Variants in CORIN observed in about 807,000 individuals in gnomAD.
CORIN encodes the protein corin, serine peptidase.
CORIN carries 117 observed loss-of-function variants against 125.3 expected under a neutral mutation model. The ratio of observed to expected loss-of-function variants is 0.93; its 90% CI spans 0.80 to 1.09. The LOEUF is 1.09. Among genes scored for constraint, CORIN ranks in the 50% least tolerant of loss-of-function variants. The pLI is 0.00. For synonymous variants in CORIN, 450 were observed against 466.4 expected, an observed-to-expected ratio of 0.96 and a Z score of 0.45; for missense variants, 1,253 against 1,306.7, an observed-to-expected ratio of 0.96 and a Z score of 0.63.
At chr4:47,809,320 T>A (rs1731948557) in intron 1 of CORIN, among the ~76,000 whole-genome samples, 1 of 151,754 alleles carries the variant, frequency 6.6e-6, no homozygotes, top group African/African-American at 2.4e-5. Flanking sequence ...TCTAAGTAGA[T>A]ATCAAGTACT....
At chr4:47,630,750 GAA>G (rs1479545691) in intron 16 of CORIN, among the ~76,000 whole-genome samples, 5 of 152,212 alleles carry the variant, frequency 3.3e-5, no homozygotes, top group Non-Finnish European at 7.3e-5. Flanking sequence ...GGACTCCTGA[GAA>G]CAGTGGGTTT....
rs529604613 is a variant in CORIN, at chr4:47,665,948, A to G, written c.1358-685T>C. Among the ~76,000 whole-genome samples, 12 of 152,282 alleles carry G rather than the reference A, an allele frequency of 7.9e-5. No homozygotes were observed. The South Asian group carries it at 2.3e-3, about 29-fold the overall frequency. On this transcript the variant is annotated intron_variant, in intron 10 of 21. Transcript: ENST00000273857. ...CCTTATGACACCAGATATTTTAAGA[A>G]TTGTATGACTTTATGCACCCTGTTT...
intron 5 of CORIN, chr4:47,706,422 T>C: frequency 2.5e-6 from 4 of 1,609,656 alleles, no homozygotes; most frequent in Non-Finnish European, 2.5e-6. Context: ...AGCAGTCTGA[T>C]GTCACGCGCT....
At chr4:47,701,878 C>T (rs1015903414) in intron 5 of CORIN, among the ~76,000 whole-genome samples, 8 of 151,800 alleles carry the variant, frequency 5.3e-5, no homozygotes, top group Admixed American at 5.2e-4. Context: ...TTTTTTAAAT[C>T]GTTGGAAAAC....
At chr4:47,742,424 A>T (rs1728448952) in intron 5 of CORIN, among the ~76,000 whole-genome samples, 1 of 152,008 alleles carries the variant, frequency 6.6e-6, no homozygotes. Context: ...TTGTTGAGTG[A>T]TTTATCAAAT....
At chr4:47,787,573 C>T (rs575961421) in intron 2 of CORIN, among the ~76,000 whole-genome samples, 2 of 150,994 alleles carry the variant, frequency 1.3e-5, no homozygotes, top group South Asian at 2.1e-4. Flanking sequence ...TCTTCATCTT[C>T]GACCAGAAAA....
At chr4:47,613,100 C>A (rs1721932327) in intron 19 of CORIN, among the ~76,000 whole-genome samples, 1 of 152,148 alleles carries the variant, frequency 6.6e-6, no homozygotes, top group Non-Finnish European at 1.5e-5. Flanking sequence ...ACTACCATCA[C>A]AAATAGTTGC....
At chr4:47,730,364 T>G (rs1330282831) in intron 5 of CORIN, among the ~76,000 whole-genome samples, 1 of 150,320 alleles carries the variant, frequency 6.7e-6, no homozygotes, top group Non-Finnish European at 1.5e-5. Flanking sequence ...TCCTAGCTAC[T>G]CGGGAGGCTG....
At chr4:47,669,759 T>C (rs775346698) in intron 10 of CORIN, among the ~76,000 whole-genome samples, 106 of 151,990 alleles carry the variant, frequency 7.0e-4, no homozygotes, top group Non-Finnish European at 1.3e-3. Flanking sequence ...TTAGTAGAGA[T>C]GGGGTTTCAC....
chr4:47,693,205 C>T, intron 5 of CORIN, 122 bp from the exon 6 acceptor site: 2 of 688,078 alleles, frequency 2.9e-6, no homozygotes, highest in Non-Finnish European at 4.9e-6. Flanking sequence ...TCCAAATTCC[C>T]TCAGTTTTAT....
chr4:47,730,996 G>A (rs1052690902), intron 5 of CORIN, among the ~76,000 whole-genome samples: 3 of 152,220 alleles, frequency 2.0e-5, no homozygotes, highest in African/African-American at 2.4e-5. Flanking sequence ...AGCTGGGCCC[G>A]GTGGTTGTGG....
chr4:47,794,630 A>G (rs867998509), intron 2 of CORIN, among the ~76,000 whole-genome samples: 15 of 152,300 alleles, frequency 9.8e-5, no homozygotes, highest in African/African-American at 3.4e-4. Context: ...AAAAGTCAGG[A>G]GAATTCTAAT....
rs1721177315 is a variant in CORIN, at chr4:47,594,522, A to G, written c.*1199T>C. ...TTGCGTAAAGTGGCCTAGAGCTAAA[A>G]ATCATTTCTAAAATTTTAATTACCA... On this transcript the variant is annotated 3_prime_UTR_variant, in exon 22 of 22. Coordinates refer to ENST00000273857, the MANE Select transcript of CORIN (RefSeq NM_006587.4). 1 of 152,518 alleles carries G rather than the reference A, an allele frequency of 6.6e-6. No homozygotes were observed. The highest frequency in any genetic ancestry group is 6.6e-5 in the Admixed American group (1 of 15,248). 9.4% of individuals were successfully genotyped at this position (152,518 alleles called of 1,614,324 possible).
intron 4 of CORIN, among the ~76,000 whole-genome samples, chr4:47,755,360 G>C (rs1729088182): frequency 6.6e-6 from 1 of 152,108 alleles, no homozygotes; most frequent in African/African-American, 2.4e-5. Flanking sequence ...GCCATGGTAT[G>C]CCCTCAAAGT....
At chr4:47,648,841 T>C (rs1265553222) in intron 13 of CORIN, among the ~76,000 whole-genome samples, 2 of 152,186 alleles carry the variant, frequency 1.3e-5, no homozygotes, top group Non-Finnish European at 2.9e-5. Flanking sequence ...GACCAGTGTC[T>C]GCCCCAGGAA....
At chr4:47,662,709 A>C (rs1169852520) in intron 11 of CORIN, among the ~76,000 whole-genome samples, 1 of 152,214 alleles carries the variant, frequency 6.6e-6, no homozygotes, top group Admixed American at 6.5e-5. Flanking sequence ...CAAAAGTTTC[A>C]AATTTTATAC....
intron 4 of CORIN, among the ~76,000 whole-genome samples, chr4:47,760,057 G>C (rs1729375023): frequency 6.6e-6 from 1 of 152,068 alleles, no homozygotes; most frequent in Admixed American, 6.5e-5. Context: ...ATTTCCTAAA[G>C]GTTTTCAATT....
chr4:47,802,784 G>A (rs1194554348), intron 2 of CORIN, among the ~76,000 whole-genome samples: 1 of 152,146 alleles, frequency 6.6e-6, no homozygotes, highest in Non-Finnish European at 1.5e-5. Context: ...TAGCCAAGTA[G>A]TGGTTATAGC....
chr4:47,688,908 C>T (rs1044403388), intron 6 of CORIN, among the ~76,000 whole-genome samples: 5 of 152,156 alleles, frequency 3.3e-5, no homozygotes, highest in Admixed American at 1.3e-4. Context: ...TTACTTGCAG[C>T]TACATCTTAG....
Sources: gnomAD v4.1 joint callset for allele counts (sites outside exome capture counted in the v4.1 genomes callset) on GRCh38, gnomAD v4.1.1 for gene constraint, MANE v1.5 for transcripts, NCBI Gene and HGNC (gene_info 2026-07-23, HGNC 2026-07-21) for gene names.